The following PITPNC1 variants were observed in gnomAD, a reference collection of about 807,000 sequenced individuals.
The protein encoded by PITPNC1 is phosphatidylinositol transfer protein cytoplasmic 1, also known as cytoplasmic phosphatidylinositol transfer protein 1.
A neutral mutation model predicts 44.7 loss-of-function variants in PITPNC1; 18 were observed. The observed-to-expected ratio is 0.40, with a 90% CI of 0.28 to 0.60. The LOEUF (loss-of-function observed/expected upper bound fraction) is 0.60. Ranked by LOEUF, PITPNC1 falls within the 20% of genes least tolerant of loss-of-function variation. The probability of loss-of-function intolerance (pLI) is 0.39; values close to 1 mark genes in which losing one functional copy is unlikely to be tolerated. For missense variants in PITPNC1, 290 were observed against 418.4 expected (o/e 0.69, Z 2.68); for synonymous variants, 141 against 149.6 (o/e 0.94, Z 0.42).
intron 6 of PITPNC1, among the ~76,000 whole-genome samples, chr17:67,632,861 G>A (rs1356340956): frequency 6.6e-6 from 1 of 151,962 alleles, no homozygotes; most frequent in African/African-American, 2.4e-5. Context: ...AGCCACCTGT[G>A]TTTTATTTGT....
chr17:67,619,141 C>G (rs545066817), intron 5 of PITPNC1, among the ~76,000 whole-genome samples: 12 of 152,206 alleles, frequency 7.9e-5, no homozygotes, highest in African/African-American at 2.4e-4. Context: ...GCAACCAACC[C>G]TAGAGGATAT....
intron 6 of PITPNC1, among the ~76,000 whole-genome samples, chr17:67,640,212 G>A (rs2042077756): frequency 6.6e-6 from 1 of 152,148 alleles, no homozygotes; most frequent in Non-Finnish European, 1.5e-5. Context: ...ACATCACTGG[G>A]ATGGGGAGAA....
chr17:67,454,907 C>T (rs1383441484), intron 1 of PITPNC1, among the ~76,000 whole-genome samples: 2 of 151,544 alleles, frequency 1.3e-5, no homozygotes, highest in African/African-American at 2.4e-5. Flanking sequence ...GCAGCCTCCA[C>T]CTCCAGGGCT....
At chr17:67,378,615 T>A (rs983888538) in intron 1 of PITPNC1, among the ~76,000 whole-genome samples, 14 of 151,736 alleles carry the variant, frequency 9.2e-5, no homozygotes, top group Non-Finnish European at 1.6e-4. Context: ...TGCGGTCAGG[T>A]AGGGGTGCGA....
intron 2 of PITPNC1, among the ~76,000 whole-genome samples, chr17:67,534,942 C>T (rs1219937334): frequency 6.6e-6 from 1 of 152,210 alleles, no homozygotes; most frequent in East Asian, 1.9e-4. Context: ...GCCTTGACCC[C>T]ACTCCCCAGC....
At chr17:67,591,733 A>G (rs560258791) in intron 5 of PITPNC1, among the ~76,000 whole-genome samples, 165 of 152,262 alleles carry the variant, frequency 1.1e-3, no homozygotes, top group African/African-American at 3.0e-3. Context: ...TTTGGGAGAC[A>G]GGGTCTTGCT....
intron 2 of PITPNC1, among the ~76,000 whole-genome samples, chr17:67,544,339 T>C (rs1253360846): frequency 6.6e-6 from 1 of 152,244 alleles, no homozygotes; most frequent in East Asian, 1.9e-4. Context: ...TTTGTCACCT[T>C]TTCTTTTCAC....
At chr17:67,654,578 G>T (rs2042243089) in intron 6 of PITPNC1, among the ~76,000 whole-genome samples, 1 of 152,166 alleles carries the variant, frequency 6.6e-6, no homozygotes, top group African/African-American at 2.4e-5. Flanking sequence ...TGCCAGGCTG[G>T]GCTGGGGACT....
At chr17:67,622,940 A>C in intron 5 of PITPNC1, among the ~76,000 whole-genome samples, 1 of 152,088 alleles carries the variant, frequency 6.6e-6, no homozygotes, top group African/African-American at 2.4e-5. Flanking sequence ...ATTAACTAGC[A>C]GCCAGTATAC....
At chr17:67,609,189 G>A (rs2041654655) in intron 5 of PITPNC1, among the ~76,000 whole-genome samples, 3 of 151,342 alleles carry the variant, frequency 2.0e-5, no homozygotes, top group Non-Finnish European at 4.4e-5. Flanking sequence ...TCTGGCCTTT[G>A]AGAAGACTTT....
At chr17:67,456,257 G>A (rs1567996743) in intron 1 of PITPNC1, among the ~76,000 whole-genome samples, 1 of 152,050 alleles carries the variant, frequency 6.6e-6, no homozygotes, top group African/African-American at 2.4e-5. Flanking sequence ...TCTGGTACAT[G>A]TTTTCTAATG....
At chr17:67,609,791 A>G (rs529466618) in intron 5 of PITPNC1, among the ~76,000 whole-genome samples, 9 of 152,040 alleles carry the variant, frequency 5.9e-5, no homozygotes, top group Non-Finnish European at 1.3e-4. Flanking sequence ...AATTCCAAAA[A>G]AAAAAAAAGC....
intron 5 of PITPNC1, among the ~76,000 whole-genome samples, chr17:67,625,976 TG>T (rs147318030): frequency 0.019 from 2,872 of 147,886 alleles, 87 homozygotes; most frequent in African/African-American, 0.063. Context: ...GTTTGTTTGT[TG>T]TTTTTTTTTT....
At chr17:67,502,601 AG>A (rs943635747) in intron 1 of PITPNC1, among the ~76,000 whole-genome samples, 48 of 152,300 alleles carry the variant, frequency 3.2e-4, no homozygotes, top group Admixed American at 2.4e-3. Context: ...ATGGGGTAGA[AG>A]GGTTTGTCAT....
At chr17:67,495,380 T>A (rs990395775) in intron 1 of PITPNC1, among the ~76,000 whole-genome samples, 1 of 152,114 alleles carries the variant, frequency 6.6e-6, no homozygotes, top group Non-Finnish European at 1.5e-5. Context: ...AGATCTTTTT[T>A]AAAAAAACTT....
At chr17:67,441,831 A>G (rs1187091377) in intron 1 of PITPNC1, among the ~76,000 whole-genome samples, 2 of 152,154 alleles carry the variant, frequency 1.3e-5, no homozygotes, top group Non-Finnish European at 2.9e-5. Context: ...TAGGAACTGC[A>G]CACGCCTGGC....
intron 5 of PITPNC1, among the ~76,000 whole-genome samples, chr17:67,627,121 C>G (rs2041905864): frequency 6.6e-6 from 1 of 152,166 alleles, no homozygotes; most frequent in Non-Finnish European, 1.5e-5. Context: ...GGCGTGGTGA[C>G]AGGCGCCTGT....
intron 1 of PITPNC1, among the ~76,000 whole-genome samples, chr17:67,493,134 A>G (rs560714793): frequency 1.2e-4 from 19 of 152,334 alleles, no homozygotes; most frequent in African/African-American, 4.1e-4. Context: ...GGAGAATCCA[A>G]TGGTAGATTC....
In PITPNC1 at chr17:67,495,675, G is replaced by A. The variant is rs148614988; in HGVS notation, c.49-37127G>A. Among the ~76,000 whole-genome samples, 389 of 152,290 alleles carry A rather than the reference G, an allele frequency of 2.6e-3. 1 individual carries two copies. Among genetic ancestry groups the A allele is most frequent in the African/African-American group, 8.9e-3 (371 of 41,568 alleles). On this transcript the variant is annotated intron_variant, in intron 1 of 8. Coordinates refer to ENST00000581322, the MANE Select transcript of PITPNC1 (RefSeq NM_012417.4). ...CTGCATTAGTTTGCTAAGGATAATG[G>A]CCTACAGCTCCATCCATGTTCTTGC...
Sources: allele counts gnomAD v4.1 joint callset (sites outside exome capture counted in the v4.1 genomes callset), GRCh38; gene constraint gnomAD v4.1.1; transcripts MANE v1.5; gene names NCBI Gene and HGNC (gene_info 2026-07-23, HGNC 2026-07-21).